The following CTNNA3 variants were observed in gnomAD, a reference collection of about 807,000 sequenced individuals.
CTNNA3 encodes catenin alpha 3.
In CTNNA3, 76 loss-of-function variants were observed where a neutral mutation model predicts 95.7. The observed-to-expected ratio is 0.79, with a 90% CI of 0.66 to 0.96. The LOEUF is 0.96. CTNNA3 is among the 40% of genes least tolerant of loss of function. The pLI is 0.00. For synonymous variants in CTNNA3, 431 were observed against 374.4 expected (o/e 1.15, Z -1.74); for missense variants, 1,191 against 1,089.8 (o/e 1.09, Z -1.31).
At position 66,270,224 on chromosome 10, in the gene CTNNA3, T is replaced by TTGG. The variant is rs367695664; in HGVS notation, c.1884+10245_1884+10246insCCA. ...TAATGCAGAACACTATAACATTTTT[T>TTGG]GGGGGGGGGGGCAGGGTCTCACTTT... On this transcript the variant is annotated intron_variant, in intron 13 of 17. Transcript: ENST00000433211. Among the ~76,000 whole-genome samples the TTGG allele has an allele frequency of 3.9e-3, 376 of 95,804 alleles. 3 individuals carry two copies. The highest frequency in any genetic ancestry group is 0.015 in the African/African-American group (366 of 25,150). 62.9% of individuals were successfully genotyped at this position (95,804 alleles called of 152,430 possible). A position where few individuals can be genotyped will look rare whatever the true frequency, so the allele number is the denominator to read the frequency against.
At chr10:67,461,867 A>C (rs1030083504) in intron 5 of CTNNA3, among the ~76,000 whole-genome samples, 1 of 152,238 alleles carries the variant, frequency 6.6e-6, no homozygotes, top group Non-Finnish European at 1.5e-5. Flanking sequence ...TAGAAAGAGA[A>C]GCTCTGATTA....
intron 5 of CTNNA3, among the ~76,000 whole-genome samples, chr10:67,460,526 T>G (rs1345773361): frequency 6.6e-6 from 1 of 152,194 alleles, no homozygotes; most frequent in Non-Finnish European, 1.5e-5. Flanking sequence ...AAAAATTATT[T>G]GAGAAGTTTT....
chr10:67,538,157 T>TAAAAAAAAAAAAAAAA (rs1176919938), intron 4 of CTNNA3, among the ~76,000 whole-genome samples: 4 of 59,176 alleles, frequency 6.8e-5, no homozygotes, highest in African/African-American at 1.5e-4. Context: ...CTACTTAAAC[T>TAAAAAAAAAAAAAAAA]AAAAAAAAAA....
intron 10 of CTNNA3, among the ~76,000 whole-genome samples, chr10:66,521,073 A>C (rs1475806659): frequency 6.6e-6 from 1 of 151,608 alleles, no homozygotes. Flanking sequence ...TAGATTATTT[A>C]AATTAAATTA....
At chr10:66,318,934 T>G (rs1414695939) in intron 12 of CTNNA3, among the ~76,000 whole-genome samples, 1 of 151,980 alleles carries the variant, frequency 6.6e-6, no homozygotes, top group Non-Finnish European at 1.5e-5. Context: ...TTTGGTTCAG[T>G]ACCCTTTCCC....
chr10:66,806,261 TTGTG>T (rs59596203), intron 7 of CTNNA3, among the ~76,000 whole-genome samples: 18 of 144,048 alleles, frequency 1.2e-4, no homozygotes, highest in South Asian at 6.7e-4. Flanking sequence ...ATATTGGTGT[TTGTG>T]TGTGTGTGTG....
At chr10:67,604,572 G>A (rs1843200746) in intron 3 of CTNNA3, among the ~76,000 whole-genome samples, 1 of 152,126 alleles carries the variant, frequency 6.6e-6, no homozygotes, top group Non-Finnish European at 1.5e-5. Flanking sequence ...TAGAGTAGAA[G>A]GAACAGATCT....
intron 5 of CTNNA3, among the ~76,000 whole-genome samples, chr10:67,517,273 T>A (rs1839845901): frequency 6.6e-6 from 1 of 152,126 alleles, no homozygotes; most frequent in Admixed American, 6.6e-5. Context: ...TCTCTTGTCT[T>A]GCACACCTGT....
intron 3 of CTNNA3, among the ~76,000 whole-genome samples, chr10:67,589,062 A>C (rs1432216340): frequency 1.3e-5 from 2 of 152,130 alleles, no homozygotes; most frequent in East Asian, 3.9e-4. Flanking sequence ...TTATTTTTAA[A>C]AGAGAGAAAG....
chr10:67,653,451 A>G (rs1160056857), intron 1 of CTNNA3, among the ~76,000 whole-genome samples: 1 of 152,114 alleles, frequency 6.6e-6, no homozygotes, highest in Non-Finnish European at 1.5e-5. Context: ...ACACAGATAC[A>G]TTGGAGTTTG....
intron 2 of CTNNA3, among the ~76,000 whole-genome samples, chr10:67,612,623 T>A (rs1432559101): frequency 6.6e-6 from 1 of 152,184 alleles, no homozygotes; most frequent in African/African-American, 2.4e-5. Context: ...AAGAAAGAGT[T>A]AATATTTAAT....
intron 2 of CTNNA3, among the ~76,000 whole-genome samples, chr10:67,630,483 T>A (rs373691225): frequency 6.6e-6 from 1 of 152,186 alleles, no homozygotes; most frequent in Non-Finnish European, 1.5e-5. Context: ...ACATTGAACA[T>A]GTAGCTTGAG....
At chr10:67,383,984 G>A (rs1844048721) in intron 5 of CTNNA3, among the ~76,000 whole-genome samples, 1 of 152,050 alleles carries the variant, frequency 6.6e-6, no homozygotes, top group African/African-American at 2.4e-5. Context: ...CTTATACTAA[G>A]GGTCACTAAC....
chr10:67,581,952 C>A (rs1175404673), intron 3 of CTNNA3, among the ~76,000 whole-genome samples: 1 of 151,918 alleles, frequency 6.6e-6, no homozygotes, highest in Non-Finnish European at 1.5e-5. Flanking sequence ...TCTCTCTTTT[C>A]TTCTTTATTT....
Position 67,760,492 on chromosome 10 carries a change from C to T in CTNNA3, c.-2+2942G>A, listed in dbSNP as rs143752614. Among the ~76,000 whole-genome samples the T allele has an allele frequency of 3.3e-3, 504 of 152,206 alleles. 9 individuals are homozygous for T. In the East Asian group the frequency reaches 0.055, roughly 17 times the overall value. On this transcript the variant is annotated intron_variant, in intron 1 of 17. Coordinates refer to the CTNNA3 transcript ENST00000684154. ...CCATCCTTAGATGATTTCATCATTGCGCAAACATTATAGAGTGCACTTACA... is the reference window on the plus strand; with the variant it reads ...CCATCCTTAGATGATTTCATCATTGTGCAAACATTATAGAGTGCACTTACA...
At chr10:67,163,558 G>A (rs1404247531) in intron 7 of CTNNA3, among the ~76,000 whole-genome samples, 1 of 151,904 alleles carries the variant, frequency 6.6e-6, no homozygotes, top group African/African-American at 2.4e-5. Context: ...CCTAAAATAG[G>A]CAACAAAGCA....
intron 5 of CTNNA3, among the ~76,000 whole-genome samples, chr10:67,458,596 A>G (rs1411119895): frequency 6.6e-6 from 1 of 152,056 alleles, no homozygotes; most frequent in Non-Finnish European, 1.5e-5. Flanking sequence ...AGAAGAGGAC[A>G]GGCCAGGCAC....
chr10:66,033,780 G>T (rs1404652648), intron 15 of CTNNA3, among the ~76,000 whole-genome samples: 1 of 152,138 alleles, frequency 6.6e-6, no homozygotes, highest in East Asian at 1.9e-4. Context: ...GACCCAACCA[G>T]ATGACATTTT....
At chr10:65,927,385 T>C (rs559254449) in intron 17 of CTNNA3, among the ~76,000 whole-genome samples, 1 of 152,360 alleles carries the variant, frequency 6.6e-6, no homozygotes, top group African/African-American at 2.4e-5. Context: ...GAAAGGAATG[T>C]GAATTCTAGT....
Sources: gnomAD v4.1 joint callset for allele counts (sites outside exome capture counted in the v4.1 genomes callset) on GRCh38, gnomAD v4.1.1 for gene constraint, MANE v1.5 for transcripts, NCBI Gene and HGNC (gene_info 2026-07-23, HGNC 2026-07-21) for gene names.